IL1RAPL2: variants seen among roughly 807,000 people sequenced by gnomAD.
The protein encoded by IL1RAPL2 is X-linked interleukin-1 receptor accessory protein-like 2.
IL1RAPL2 carries 3 observed loss-of-function variants against 44.1 expected under a neutral mutation model. The observed-to-expected ratio is 0.07, with a 90% CI of 0.03 to 0.18. The LOEUF is 0.18. Ranked by LOEUF, IL1RAPL2 falls within the 10% of genes least tolerant of loss-of-function variation. The probability of loss-of-function intolerance (pLI) is 1.00; values close to 1 mark genes in which losing one functional copy is unlikely to be tolerated. For missense variants in IL1RAPL2, 391 were observed against 496.4 expected (o/e 0.79, Z 2.02); for synonymous variants, 181 against 178.8 (o/e 1.01, Z -0.10).
chrX:105,245,383 T>C (rs2034210047), intron 4 of IL1RAPL2, among the ~76,000 whole-genome samples: 1 of 111,513 alleles, frequency 9.0e-6, no homozygotes, highest in Non-Finnish European at 1.9e-5. Context: ...TAGAGGTGAA[T>C]CAGGTGGTAC....
intron 2 of IL1RAPL2, among the ~76,000 whole-genome samples, chrX:105,173,677 G>C (rs1327199445): frequency 9.0e-6 from 1 of 110,734 alleles, no homozygotes; most frequent in Non-Finnish European, 1.9e-5. Context: ...CCGTCTGCTA[G>C]CATATGGAGT....
At chrX:104,981,837 T>C (rs1038049520) in intron 2 of IL1RAPL2, among the ~76,000 whole-genome samples, 3 of 111,533 alleles carry the variant, frequency 2.7e-5, no homozygotes, top group African/African-American at 3.3e-5. Context: ...GAAATAATCA[T>C]GTAGTTTATG....
chrX:104,684,149 C>T (rs1433330545), intron 2 of IL1RAPL2, among the ~76,000 whole-genome samples: 1 of 112,011 alleles, frequency 8.9e-6, no homozygotes, highest in Non-Finnish European at 1.9e-5. Flanking sequence ...GGGGGAAATA[C>T]ATTTGGTCTG....
chrX:105,308,411 A>G (rs2034768636), intron 5 of IL1RAPL2, among the ~76,000 whole-genome samples: 2 of 112,123 alleles, frequency 1.8e-5, no homozygotes, highest in Non-Finnish European at 3.8e-5. Context: ...CGACTCAATG[A>G]ATTTTGTCAA....
chrX:104,771,599 G>C (rs1318771480), intron 2 of IL1RAPL2, among the ~76,000 whole-genome samples: 1 of 111,980 alleles, frequency 8.9e-6, no homozygotes, highest in African/African-American at 3.2e-5. Flanking sequence ...TTTAATCTGT[G>C]TGCTTCAAGA....
Position 104,839,636 on chromosome X carries a change from T to C in IL1RAPL2, c.82+180641T>C, listed in dbSNP as rs776531555. Among the ~76,000 whole-genome samples the C allele has an allele frequency of 1.2e-4, 13 of 112,087 alleles. No homozygotes were observed. In the South Asian group the frequency reaches 4.8e-3, roughly 41 times the overall value. ...TAGGGAGGAGTCCCTCTTTTTCAATTGTTTGGAGTAGTTTTAGAAGAAATG... is the reference window on the plus strand; with the variant it reads ...TAGGGAGGAGTCCCTCTTTTTCAATCGTTTGGAGTAGTTTTAGAAGAAATG... On this transcript the variant is annotated intron_variant, in intron 2 of 10. Coordinates refer to ENST00000372582, the MANE Select transcript of IL1RAPL2 (RefSeq NM_017416.2).
intron 2 of IL1RAPL2, among the ~76,000 whole-genome samples, chrX:105,140,893 A>G (rs900904007): frequency 1.8e-5 from 2 of 111,260 alleles, no homozygotes; most frequent in Non-Finnish European, 3.8e-5. Context: ...ATCAGAAATC[A>G]TGGGGCCCAA....
At chrX:104,795,386 T>A (rs1396453305) in intron 2 of IL1RAPL2, among the ~76,000 whole-genome samples, 2 of 108,494 alleles carry the variant, frequency 1.8e-5, no homozygotes, top group Non-Finnish European at 3.8e-5. Flanking sequence ...AAAAATAATC[T>A]TTGAAGCAAG....
Position 105,477,780 on chromosome X carries a change from G to A in IL1RAPL2, c.698-6533G>A, listed in dbSNP as rs17342990. ...CAGTCTGTAATACTTGTACATCTGC[G>A]CACTTTCGGACAAAGAGCCATAAGG... On this transcript the variant is annotated intron_variant, in intron 5 of 10. Coordinates refer to ENST00000372582, the MANE Select transcript of IL1RAPL2 (RefSeq NM_017416.2). Among the ~76,000 whole-genome samples, 1,489 of 111,241 alleles carry A rather than the reference G, an allele frequency of 0.013. 62 individuals are homozygous for A. In the East Asian group the frequency reaches 0.15, roughly 11 times the overall value.
At chrX:105,199,563 T>G (rs2033699543) in intron 3 of IL1RAPL2, among the ~76,000 whole-genome samples, 1 of 111,555 alleles carries the variant, frequency 9.0e-6, no homozygotes, top group African/African-American at 3.3e-5. Flanking sequence ...GAAGGAGTAC[T>G]TTAGGGATAG....
intron 2 of IL1RAPL2, among the ~76,000 whole-genome samples, chrX:104,893,985 G>T (rs1923553137): frequency 9.0e-6 from 1 of 111,317 alleles, no homozygotes; most frequent in South Asian, 3.8e-4. Flanking sequence ...AGGTCTAGTG[G>T]TTATAAAATC....
chrX:104,714,661 G>T (rs1260556282), intron 2 of IL1RAPL2, among the ~76,000 whole-genome samples: 2 of 111,060 alleles, frequency 1.8e-5, no homozygotes, highest in Non-Finnish European at 3.8e-5. Flanking sequence ...TTCCTTTAAT[G>T]CCTAGTTTAT....
At chrX:105,511,190 A>G (rs2036467208) in intron 6 of IL1RAPL2, among the ~76,000 whole-genome samples, 1 of 111,703 alleles carries the variant, frequency 9.0e-6, no homozygotes, top group Non-Finnish European at 1.9e-5. Context: ...CATATTTTTT[A>G]CTGATTCTGT....
At chrX:105,429,138 C>T in intron 5 of IL1RAPL2, among the ~76,000 whole-genome samples, 1 of 111,800 alleles carries the variant, frequency 8.9e-6, no homozygotes, top group East Asian at 2.8e-4. Context: ...CACCACTTAG[C>T]ACTTTGTGTA....
At chrX:105,729,876 A>G (rs867259841) in intron 7 of IL1RAPL2, among the ~76,000 whole-genome samples, 7 of 51,265 alleles carry the variant, frequency 1.4e-4, no homozygotes, top group African/African-American at 2.8e-4. Context: ...AAGGAAGGAA[A>G]GAAGGAAGGA....
intron 5 of IL1RAPL2, among the ~76,000 whole-genome samples, chrX:105,359,099 C>G (rs1420801862): frequency 2.7e-5 from 3 of 112,108 alleles, no homozygotes; most frequent in African/African-American, 9.7e-5. Context: ...TAGCCAAGGA[C>G]AATTCCCATT....
chrX:105,655,303 C>T (rs1351984088), intron 6 of IL1RAPL2, among the ~76,000 whole-genome samples: 5 of 112,504 alleles, frequency 4.4e-5, no homozygotes. Context: ...ATGGGGCACC[C>T]CATCTCTCCC....
At chrX:105,614,128 A>G (rs1382684753) in intron 6 of IL1RAPL2, among the ~76,000 whole-genome samples, 1 of 112,146 alleles carries the variant, frequency 8.9e-6, no homozygotes. Flanking sequence ...TAACAAAAGA[A>G]TGAAATATCT....
chrX:104,700,377 T>C (rs1343489766), intron 2 of IL1RAPL2, among the ~76,000 whole-genome samples: 1 of 111,777 alleles, frequency 8.9e-6, no homozygotes, highest in Non-Finnish European at 1.9e-5. Flanking sequence ...GAAAACTGGC[T>C]TTCTAATTTT....
Sources: allele counts gnomAD v4.1 joint callset (sites outside exome capture counted in the v4.1 genomes callset), GRCh38; gene constraint gnomAD v4.1.1; transcripts MANE v1.5; gene names NCBI Gene and HGNC (gene_info 2026-07-23, HGNC 2026-07-21).